The following PLPPR1 variants were observed in gnomAD, a reference collection of about 807,000 sequenced individuals.
PLPPR1 encodes phospholipid phosphatase related 1.
A neutral mutation model predicts 33.1 loss-of-function variants in PLPPR1; 10 were observed. The ratio of observed to expected loss-of-function variants is 0.30; its 90% CI spans 0.19 to 0.51. The LOEUF (loss-of-function observed/expected upper bound fraction) is 0.51. PLPPR1 is among the 20% of genes least tolerant of loss of function. The pLI, the probability that PLPPR1 is intolerant of heterozygous loss-of-function variation, is 0.97. For synonymous variants in PLPPR1, 151 were observed against 151.0 expected, an observed-to-expected ratio of 1.00 and a Z score of 0.00; for missense variants, 304 against 408.1, an observed-to-expected ratio of 0.74 and a Z score of 2.20.
intron 1 of PLPPR1, among the ~76,000 whole-genome samples, chr9:101,068,301 T>C (rs576106980): frequency 6.6e-6 from 1 of 152,084 alleles, no homozygotes; most frequent in East Asian, 1.9e-4. Context: ...CCAGTGTCAG[T>C]AGAGTCATGG....
In PLPPR1 at chr9:101,028,861, C is replaced by T. The variant is rs1457773882; in HGVS notation, c.-287C>T. The stretch of plus-strand genomic sequence containing the variant: ...GCGCCCAGCGGCATCTGTGATCCCG[C>T]GCACCTCCGCCCCACGGGCGCGCGC... On this transcript the variant is annotated 5_prime_UTR_variant, in exon 1 of 8. Transcript: ENST00000374874. The T allele has an allele frequency of 3.3e-5, 5 of 152,470 alleles. No homozygotes were observed. The highest frequency in any genetic ancestry group is 9.6e-5 in the African/African-American group (4 of 41,470). The allele number at this position is 152,470 out of a possible 1,614,324, so 9.4% of individuals were successfully genotyped here.
intron 1 of PLPPR1, among the ~76,000 whole-genome samples, chr9:101,087,200 TA>T (rs1223988041): frequency 6.7e-5 from 10 of 148,674 alleles, no homozygotes; most frequent in African/African-American, 2.3e-4. Flanking sequence ...AAAAATAAAA[TA>T]AAAATAAAAA....
chr9:101,250,047 A>C lies in PLPPR1; in HGVS notation c.64-19833A>C, dbSNP rs556251974. 1.3e-5 allele frequency among the ~76,000 whole-genome samples: 2 copies of C among 152,208 alleles called. 1 individual carries two copies. The highest frequency in any genetic ancestry group is 4.1e-4 in the South Asian group (2 of 4,832). On this transcript the variant is annotated intron_variant, in intron 2 of 7. Coordinates refer to ENST00000374874, the MANE Select transcript of PLPPR1 (RefSeq NM_207299.2). ...GCTAGATTGCCACAATTTAGGAAAC[A>C]CTTTACATGATAAAAATGTTTTTTA...
chr9:101,152,160 A>G (rs1029522737), intron 1 of PLPPR1, among the ~76,000 whole-genome samples: 1 of 152,154 alleles, frequency 6.6e-6, no homozygotes, highest in Non-Finnish European at 1.5e-5. Flanking sequence ...GATAATGAGC[A>G]TTTTTTCATG....
intron 1 of PLPPR1, among the ~76,000 whole-genome samples, chr9:101,100,697 C>CGTGTGTGTGTGTGTGTGT (rs56760066): frequency 2.1e-4 from 31 of 146,940 alleles, no homozygotes; most frequent in Admixed American, 1.9e-3. Flanking sequence ...CTCTTTGTTC[C>CGTGTGTGTGTGTGTGTGT]GTGTGTGTGT....
intron 1 of PLPPR1, among the ~76,000 whole-genome samples, chr9:101,122,599 TAG>T (rs1831191974): frequency 6.6e-6 from 1 of 152,242 alleles, no homozygotes; most frequent in Admixed American, 6.5e-5. Flanking sequence ...ACGTTATCTG[TAG>T]AGTCATATTT....
chr9:101,167,186 T>TGTGTGTG (rs1825872610), intron 1 of PLPPR1, among the ~76,000 whole-genome samples: 10 of 23,178 alleles, frequency 4.3e-4, no homozygotes, highest in African/African-American at 5.7e-4. Context: ...GTGTGTGTCT[T>TGTGTGTG]TCTCTCTCTC....
rs377461156 is a variant in PLPPR1 at position 101,206,119 on chromosome 9, G to A, written c.63+20562G>A. ...GTGAATACAGAATTTAGGGGAACTA[G>A]CTCATTTCTCAAAAATGATGGGATT... On this transcript the variant is annotated intron_variant, in intron 2 of 7. Transcript: ENST00000374874. 3.0e-4 allele frequency among the ~76,000 whole-genome samples: 46 copies of A among 152,282 alleles called. 1 individual carries two copies. Among genetic ancestry groups the A allele is most frequent in the African/African-American group, 1.1e-3 (45 of 41,568 alleles).
At chr9:101,127,000 C>A (rs1259004676) in intron 1 of PLPPR1, among the ~76,000 whole-genome samples, 3 of 152,136 alleles carry the variant, frequency 2.0e-5, no homozygotes. Context: ...GCTCTGGGAA[C>A]CATGGGCAAA....
At chr9:101,195,702 C>A (rs993953242) in intron 2 of PLPPR1, among the ~76,000 whole-genome samples, 3 of 152,172 alleles carry the variant, frequency 2.0e-5, no homozygotes, top group Admixed American at 6.5e-5. Context: ...GCTTCTACCC[C>A]AGCTTTCCTC....
At chr9:101,045,749 CAGTTCTGATTTACT>C (rs1350585037) in intron 1 of PLPPR1, among the ~76,000 whole-genome samples, 3 of 152,282 alleles carry the variant, frequency 2.0e-5, no homozygotes, top group South Asian at 4.1e-4. Context: ...AGATGATTTC[CAGTTCTGATTTACT>C]AGCTTTAACA....
At chr9:101,146,144 T>A (rs190640419) in intron 1 of PLPPR1, among the ~76,000 whole-genome samples, 1 of 152,204 alleles carries the variant, frequency 6.6e-6, no homozygotes, top group Non-Finnish European at 1.5e-5. Context: ...TTTCTCATAG[T>A]GTAGCATAAT....
Position 101,265,289 on chromosome 9 carries a change from T to G in PLPPR1, c.64-4591T>G, listed in dbSNP as rs372621109. Among the ~76,000 whole-genome samples, 82 of 152,350 alleles carry G rather than the reference T, an allele frequency of 5.4e-4. No individual in the cohort carries two copies. The South Asian group carries it at 8.5e-3, about 16-fold the overall frequency. On this transcript the variant is annotated intron_variant, in intron 2 of 7. Coordinates refer to ENST00000374874, the MANE Select transcript of PLPPR1 (RefSeq NM_207299.2). Reference sequence around the variant, plus strand: ...TACTGCTATATTGGATTGTCATTCTTGGAAAGCAACAGCTGAGGAAAGTCC... The same window carrying G: ...TACTGCTATATTGGATTGTCATTCTGGGAAAGCAACAGCTGAGGAAAGTCC...
chr9:101,252,583 C>T (rs1022923767), intron 2 of PLPPR1, among the ~76,000 whole-genome samples: 2 of 152,152 alleles, frequency 1.3e-5, no homozygotes, highest in Non-Finnish European at 2.9e-5. Flanking sequence ...ACATCTGAGT[C>T]TCTTTGCAAC....
At chr9:101,065,108 A>G (rs1351556484) in intron 1 of PLPPR1, among the ~76,000 whole-genome samples, 1 of 152,056 alleles carries the variant, frequency 6.6e-6, no homozygotes, top group African/African-American at 2.4e-5. Context: ...CTGTCATATC[A>G]ACCAGGAGGG....
chr9:101,049,435 G>T (rs1398026524), intron 1 of PLPPR1, among the ~76,000 whole-genome samples: 1 of 152,136 alleles, frequency 6.6e-6, no homozygotes, highest in Non-Finnish European at 1.5e-5. Context: ...CTGGAAGAAT[G>T]TTCATTATCC....
At chr9:101,309,511 G>T (rs752989478) in intron 5 of PLPPR1, 50 bp downstream of exon 5, 1 of 1,586,794 alleles carries the variant, frequency 6.3e-7, no homozygotes, top group Non-Finnish European at 8.6e-7. Context: ...GATAGGATGT[G>T]TGTCTCCCTG....
intron 1 of PLPPR1, among the ~76,000 whole-genome samples, chr9:101,095,416 T>G (rs1263789512): frequency 6.6e-6 from 1 of 152,198 alleles, no homozygotes; most frequent in East Asian, 1.9e-4. Flanking sequence ...TTCTTGAGAC[T>G]GTGATGGGCT....
chr9:101,035,474 G>A (rs1211963149), intron 1 of PLPPR1, among the ~76,000 whole-genome samples: 2 of 151,902 alleles, frequency 1.3e-5, no homozygotes, highest in Admixed American at 6.6e-5. Flanking sequence ...TTACCTTCAG[G>A]CCTTTCGCCA....
Sources: gnomAD v4.1 joint callset for allele counts (sites outside exome capture counted in the v4.1 genomes callset) on GRCh38, gnomAD v4.1.1 for gene constraint, MANE v1.5 for transcripts, NCBI Gene and HGNC (gene_info 2026-07-23, HGNC 2026-07-21) for gene names.